ADCY9: variants seen among roughly 807,000 people sequenced by gnomAD.
ADCY9 encodes adenylate cyclase type 9.
A neutral mutation model predicts 101.5 loss-of-function variants in ADCY9; 50 were observed. The ratio of observed to expected loss-of-function variants is 0.49; its 90% CI spans 0.39 to 0.62. The LOEUF is 0.62. ADCY9 is among the 20% of genes least tolerant of loss of function. The pLI is 0.00. For missense variants in ADCY9, 1,662 were observed against 1,800.4 expected (o/e 0.92, Z 1.39); for synonymous variants, 905 against 769.3 (o/e 1.18, Z -2.92).
intron 2 of ADCY9, among the ~76,000 whole-genome samples, chr16:4,049,144 G>T (rs2056684697): frequency 6.6e-6 from 1 of 152,190 alleles, no homozygotes. Context: ...CTAAAAGAGT[G>T]GTTGCCAAGC....
chr16:4,052,644 C>T (rs911083807), intron 2 of ADCY9, among the ~76,000 whole-genome samples: 1 of 152,176 alleles, frequency 6.6e-6, no homozygotes, highest in East Asian at 1.9e-4. Context: ...TAGATAACAA[C>T]TAGTGTGGAA....
At position 3,998,437 on chromosome 16, in the gene ADCY9, G is replaced by A. The variant is rs146080943; in HGVS notation, c.1885-4927C>T. Among the ~76,000 whole-genome samples the A allele has an allele frequency of 5.1e-3, 778 of 151,956 alleles. 5 individuals carry two copies. Among genetic ancestry groups the A allele is most frequent in the Admixed American group, 0.012 (177 of 15,266 alleles). Reference sequence around the variant, plus strand: ...TTAAAAAAGAAAAAAGAAGCCAGGCGCAGTGGCTCATGCCTGTAATCCCAG... The same window carrying A: ...TTAAAAAAGAAAAAAGAAGCCAGGCACAGTGGCTCATGCCTGTAATCCCAG... On this transcript the variant is annotated intron_variant, in intron 3 of 10. Transcript: ENST00000294016.
intron 2 of ADCY9, among the ~76,000 whole-genome samples, chr16:4,045,685 T>G (rs568377481): frequency 6.7e-6 from 1 of 149,512 alleles, no homozygotes; most frequent in Admixed American, 6.7e-5. Context: ...TCTCAGGCAG[T>G]AACTAGCTTT....
Position 4,007,542 on chromosome 16 carries a change from C to G in ADCY9, c.1710G>C (p.Leu570=). Reference sequence around the variant, plus strand: ...ACTCCTTGGCTCTCTGACCCGATATCAGGTATGTCTTCAAACCTATGATGG... The same window carrying G: ...ACTCCTTGGCTCTCTGACCCGATATGAGGTATGTCTTCAAACCTATGATGG... ...ADQLKGLKTY[L]ISGQRAKESR... Residue 570 remains leucine, a synonymous_variant, in exon 3 of 11, where the codon CTG becomes CTC. Transcript: ENST00000294016. The G allele has an allele frequency of 1.2e-6, 2 of 1,609,054 alleles. No individual in the cohort carries two copies. The highest frequency in any genetic ancestry group is 1.7e-6 in the Non-Finnish European group (2 of 1,178,510).
chr16:4,032,519 T>TG (rs1163748585), intron 2 of ADCY9, among the ~76,000 whole-genome samples: 1 of 151,386 alleles, frequency 6.6e-6, no homozygotes, highest in African/African-American at 2.4e-5. Flanking sequence ...CAATTTTTTT[T>TG]TTTTTTTGAG....
chr16:4,021,424 C>T (rs2056475877), intron 2 of ADCY9, among the ~76,000 whole-genome samples: 1 of 152,222 alleles, frequency 6.6e-6, no homozygotes, highest in Non-Finnish European at 1.5e-5. Flanking sequence ...GGCCAATCTC[C>T]ACTTTCTACC....
chr16:3,975,332 G>GAC (rs1473533347), intron 9 of ADCY9, among the ~76,000 whole-genome samples: 1 of 152,140 alleles, frequency 6.6e-6, no homozygotes, highest in Non-Finnish European at 1.5e-5. Context: ...AGTACTGAAT[G>GAC]ACAGTCCTAT....
Position 4,063,331 on chromosome 16 carries a change from T to C in ADCY9, c.1693+50419A>G, listed in dbSNP as rs563390305. On this transcript the variant is annotated intron_variant, in intron 2 of 10. Coordinates refer to ENST00000294016, the MANE Select transcript of ADCY9 (RefSeq NM_001116.4). ...AAACACAGCAGATCAAAATTTAGGA[T>C]GCAGCTATGAGAAGTACTTAGGGAG... 1.8e-3 allele frequency among the ~76,000 whole-genome samples: 272 copies of C among 151,896 alleles called. 1 individual carries two copies. The highest frequency in any genetic ancestry group is 0.017 in the Admixed American group (257 of 15,238).
chr16:4,000,070 TGTC>T (rs1220353361), intron 3 of ADCY9, among the ~76,000 whole-genome samples: 1 of 152,172 alleles, frequency 6.6e-6, no homozygotes, highest in African/African-American at 2.4e-5. Flanking sequence ...TTTTGCAAGA[TGTC>T]GTGTTATCAG....
chr16:3,960,569 T>C (rs1433331148), downstream of ADCY9, among the ~76,000 whole-genome samples: 1 of 151,990 alleles, frequency 6.6e-6, no homozygotes, highest in Non-Finnish European at 1.5e-5. Flanking sequence ...CAAAAGTTGT[T>C]TTTATGTGCA....
downstream of ADCY9, among the ~76,000 whole-genome samples, chr16:3,959,362 CAAAAAA>C (rs71133675): frequency 0.3 from 40,375 of 133,586 alleles, 7,015 homozygotes; most frequent in Non-Finnish European, 0.42. Flanking sequence ...ACTCTTATCT[CAAAAAA>C]AAAAAAAAAA....
intron 2 of ADCY9, among the ~76,000 whole-genome samples, chr16:4,061,792 T>TA (rs2056775124): frequency 6.6e-6 from 1 of 152,196 alleles, no homozygotes; most frequent in Non-Finnish European, 1.5e-5. Context: ...ATGCTAGTAA[T>TA]ACTAATTACA....
intron 2 of ADCY9, among the ~76,000 whole-genome samples, chr16:4,071,809 T>TG (rs141078008): frequency 0.61 from 89,596 of 146,596 alleles, 26,696 homozygotes; most frequent in South Asian, 0.69. Context: ...CCACGAATTC[T>TG]GGGTTTTTTT....
intron 2 of ADCY9, among the ~76,000 whole-genome samples, chr16:4,014,386 G>A (rs920053622): frequency 1.3e-5 from 2 of 151,420 alleles, no homozygotes; most frequent in African/African-American, 4.8e-5. Flanking sequence ...GGAAGAAAGT[G>A]AAAGAAACAA....
chr16:3,953,755 C>T (rs1038420881), intron 5 of ADCY9, among the ~76,000 whole-genome samples: 4 of 152,324 alleles, frequency 2.6e-5, no homozygotes, highest in Admixed American at 2.0e-4. Context: ...TGGGATACGA[C>T]GGACAAGTCA....
At chr16:3,987,183 G>T (rs963446499) in intron 6 of ADCY9, among the ~76,000 whole-genome samples, 2 of 152,212 alleles carry the variant, frequency 1.3e-5, no homozygotes, top group Non-Finnish European at 2.9e-5. Context: ...GCCTGGGCTT[G>T]GTGCCTCGCC....
At chr16:4,102,914 G>C (rs184818610) in intron 2 of ADCY9, among the ~76,000 whole-genome samples, 1 of 152,060 alleles carries the variant, frequency 6.6e-6, no homozygotes, top group East Asian at 1.9e-4. Context: ...GAGAGACGGA[G>C]CTTCACCGTG....
At chr16:4,020,026 T>G (rs2056464007) in intron 2 of ADCY9, among the ~76,000 whole-genome samples, 1 of 151,792 alleles carries the variant, frequency 6.6e-6, no homozygotes, top group South Asian at 2.1e-4. Flanking sequence ...TGCAGTGAGC[T>G]GAGATCGCGC....
chr16:4,018,942 G>C (rs1490653779), intron 2 of ADCY9, among the ~76,000 whole-genome samples: 1 of 17,134 alleles, frequency 5.8e-5, no homozygotes, highest in African/African-American at 1.0e-4. Flanking sequence ...TTTTCTGGAA[G>C]AATCGCAGTT....
Sources: gnomAD v4.1 joint callset for allele counts (sites outside exome capture counted in the v4.1 genomes callset) on GRCh38, gnomAD v4.1.1 for gene constraint, MANE v1.5 for transcripts, NCBI Gene and HGNC (gene_info 2026-07-23, HGNC 2026-07-21) for gene names.